The following FRMPD2 variants were observed in gnomAD, a reference collection of about 807,000 sequenced individuals.
FRMPD2 encodes the protein FERM and PDZ domain-containing protein 2.
In FRMPD2, 96 loss-of-function variants were observed where a neutral mutation model predicts 140.1. That is an observed-to-expected ratio of 0.69 (90% confidence interval 0.58 to 0.81). FRMPD2 has a LOEUF of 0.81. Ranked by LOEUF, FRMPD2 falls within the 40% of genes least tolerant of loss-of-function variation. The pLI, the probability that FRMPD2 is intolerant of heterozygous loss-of-function variation, is 0.00. For synonymous variants in FRMPD2, 449 were observed against 547.6 expected (o/e 0.82, Z 2.52); for missense variants, 1,240 against 1,447.4 (o/e 0.86, Z 2.32).
At chr10:48,217,561 C>T (rs767996437) in intron 12 of FRMPD2, among the ~76,000 whole-genome samples, 14 of 152,230 alleles carry the variant, frequency 9.2e-5, no homozygotes, top group South Asian at 2.1e-4. Flanking sequence ...ATTTTTAAAA[C>T]GAATGAGAAT....
In FRMPD2 at chr10:48,238,077, G is replaced by C. The variant is rs144159326; in HGVS notation, c.835C>G (p.Leu279Val). ...DPQDQQAGRR[L>V]SSGSVHSAAD... is the part of the protein sequence containing the mutation. ...GCCGAGTGCACAGATCCAGAGCTGA[G>C]CCTCCGGCCCGCCTGCTGGTCCTGG... The change falls in exon 8 of 29, where the codon CTC (leucine) becomes GTC (valine). Residue 279 changes from leucine to valine, a missense_variant. Leu to Val is a conservative substitution (Grantham distance 32, BLOSUM62 1). Around this residue, in one of 6 missense-constraint regions of FRMPD2, gnomAD observed 1,161 missense variants for 1,055.9 expected, o/e 1.10. Transcript: ENST00000374201. 3.7e-6 allele frequency: 6 copies of C among 1,613,692 alleles called. No individual in the cohort carries two copies. The South Asian group carries it at 4.4e-5, about 12-fold the overall frequency.
At chr10:48,254,727 T>G (rs767141887) in intron 1 of FRMPD2, among the ~76,000 whole-genome samples, 2 of 152,264 alleles carry the variant, frequency 1.3e-5, no homozygotes, top group African/African-American at 4.8e-5. Context: ...GCTATCATCA[T>G]GCCCATTTTA....
At chr10:48,195,287 T>A (rs1838925319) in intron 15 of FRMPD2, among the ~76,000 whole-genome samples, 1 of 152,214 alleles carries the variant, frequency 6.6e-6, no homozygotes, top group African/African-American at 2.4e-5. Context: ...GCCTATTTAG[T>A]CCTGAAATTA....
At chr10:48,173,362 C>T (rs538555862) in intron 24 of FRMPD2, among the ~76,000 whole-genome samples, 2 of 152,198 alleles carry the variant, frequency 1.3e-5, no homozygotes, top group Admixed American at 6.5e-5. Context: ...TTCCCCTCCT[C>T]GTTCTTCCTA....
chr10:48,222,215 A>AT (rs1209637971), intron 12 of FRMPD2, 98 bp downstream of exon 12: 2 of 1,250,980 alleles, frequency 1.6e-6, no homozygotes, highest in African/African-American at 3.0e-5. Flanking sequence ...GATGCTAACA[A>AT]TACTCAAAGC....
At chr10:48,248,918 C>A in intron 3 of FRMPD2, 103 bp downstream of exon 3, 1 of 1,072,940 alleles carries the variant, frequency 9.3e-7, no homozygotes, top group Non-Finnish European at 1.3e-6. Flanking sequence ...GTGTTGAGAA[C>A]CAAGCTCTGC....
rs555394402 is a variant in FRMPD2 at position 48,274,546 on chromosome 10, C to T, written c.22G>A (p.Ala8Thr). The T allele has an allele frequency of 5.6e-6, 9 of 1,614,068 alleles. No individual in the cohort carries two copies. The highest frequency in any genetic ancestry group is 2.2e-5 in the East Asian group (1 of 44,882). ...ACTGAATGATGCCAAGGAATACCTGCGTCCTTCGTTAAAGGCTGCATCCAA... is the reference window on the plus strand; with the variant it reads ...ACTGAATGATGCCAAGGAATACCTGTGTCCTTCGTTAAAGGCTGCATCCAA... MQPLTKD[A>T]GMSLSSVTLA... Residue 8 changes from alanine (A) to threonine (T), a missense_variant, in exon 1 of 29, where the codon GCA (alanine) becomes ACA (threonine). Ala to Thr is a moderately conservative substitution (Grantham distance 58). Transcript: ENST00000374201.
At position 48,192,900 on chromosome 10, in the gene FRMPD2, T is replaced by C; in HGVS notation, c.1955-6A>G. On this transcript the variant is annotated splice_polypyrimidine_tract_variant and splice_region_variant and intron_variant, in intron 15 of 28. Coordinates refer to ENST00000374201, the MANE Select transcript of FRMPD2 (RefSeq NM_001018071.4). ...TTGCACAAACTTATCATGGTCTGAA[T>C]TTGGGGAGAAAAACATAGACATACA... is the stretch of plus-strand genomic sequence containing the variant. The C allele has an allele frequency of 6.2e-7, 1 of 1,609,714 alleles. No individual in the cohort carries two copies. Among genetic ancestry groups the C allele is most frequent in the Non-Finnish European group, 8.5e-7 (1 of 1,177,470 alleles).
rs528602999 is a variant in FRMPD2 at position 48,269,008 on chromosome 10, A to AAT, written c.25+5533_25+5534dup. ...AAAAATATGCAACAGATTAGGAGAA[A>AAT]ATATATATAATGGCAAAAGGGTTAC... On this transcript the variant is annotated intron_variant, in intron 1 of 28. Transcript: ENST00000374201. Among the ~76,000 whole-genome samples, 136 of 152,324 alleles carry AAT rather than the reference A, an allele frequency of 8.9e-4. No homozygotes were observed. The South Asian group carries it at 9.7e-3, about 11-fold the overall frequency.
intron 3 of FRMPD2, among the ~76,000 whole-genome samples, chr10:48,245,072 G>C (rs923510054): frequency 6.6e-6 from 1 of 152,182 alleles, no homozygotes; most frequent in African/African-American, 2.4e-5. Context: ...GGTGAAAGGC[G>C]TGAGAGAAAT....
At chr10:48,187,144 T>C (rs993796626) in intron 17 of FRMPD2, 48 bp downstream of exon 17, 3 of 1,313,854 alleles carry the variant, frequency 2.3e-6, no homozygotes, top group Non-Finnish European at 3.2e-6. Context: ...GCAAGCTTCC[T>C]GCGTAGGGGT....
chr10:48,226,722 C>T (rs773364903), intron 10 of FRMPD2, among the ~76,000 whole-genome samples: 79 of 152,334 alleles, frequency 5.2e-4, no homozygotes, highest in Admixed American at 6.5e-4. Flanking sequence ...TTTTAAGCCT[C>T]CTCATAATTT....
intron 10 of FRMPD2, among the ~76,000 whole-genome samples, chr10:48,229,444 A>G (rs1839799017): frequency 6.6e-6 from 1 of 152,100 alleles, no homozygotes; most frequent in South Asian, 2.1e-4. Flanking sequence ...CCTTGAATTT[A>G]CTTTGGGTCT....
chr10:48,263,204 T>C (rs1212123560), intron 1 of FRMPD2, among the ~76,000 whole-genome samples: 1 of 152,080 alleles, frequency 6.6e-6, no homozygotes, highest in Non-Finnish European at 1.5e-5. Context: ...AATGCATATA[T>C]TAGAATAGAA....
rs1212829826 is a variant in FRMPD2 at position 48,238,069 on chromosome 10, A to G, written c.843T>C (p.Ser281=). ...QDQQAGRRLS[S]GSVHSAADSS... is the part of the protein sequence containing the mutation. ...TGTCTGCTGCCGAGTGCACAGATCC[A>G]GAGCTGAGCCTCCGGCCCGCCTGCT... The change falls in exon 8 of 29, where the codon TCT becomes TCC. Residue 281 remains serine, a synonymous_variant. Coordinates refer to ENST00000374201, the MANE Select transcript of FRMPD2 (RefSeq NM_001018071.4). 2 of 1,613,978 alleles carry G rather than the reference A, an allele frequency of 1.2e-6. No homozygotes were observed. Among genetic ancestry groups the G allele is most frequent in the Non-Finnish European group, 1.7e-6 (2 of 1,180,008 alleles).
intron 1 of FRMPD2, among the ~76,000 whole-genome samples, chr10:48,269,677 G>A (rs1485143777): frequency 6.6e-6 from 1 of 152,148 alleles, no homozygotes; most frequent in African/African-American, 2.4e-5. Flanking sequence ...TGAATGCTTT[G>A]TTTAAAAATT....
At position 48,238,092 on chromosome 10, in the gene FRMPD2, G is replaced by A. The variant is rs1412161596; in HGVS notation, c.820C>T (p.Gln274Ter). 6.2e-7 allele frequency: 1 copy of A among 1,613,030 alleles called. No individual in the cohort carries two copies. The highest frequency in any genetic ancestry group is 1.1e-5 in the South Asian group (1 of 91,086). ...CCAGAGCTGAGCCTCCGGCCCGCCT[G>A]CTGGTCCTGGGGATCTGCTCCTGGA... Reference protein sequence around the residue: ...ALPGADPQDQQAGRRLSSGSV... With the variant: ...ALPGADPQDQ Residue 274 changes from glutamine to a stop codon, truncating the protein, a stop_gained, in exon 8 of 29, where the codon CAG (glutamine) becomes TAG (stop). Coordinates refer to ENST00000374201, the MANE Select transcript of FRMPD2 (RefSeq NM_001018071.4). LOFTEE classifies it high-confidence loss of function.
At chr10:48,210,821 C>T (rs1249784160) in intron 13 of FRMPD2, among the ~76,000 whole-genome samples, 1 of 152,234 alleles carries the variant, frequency 6.6e-6, no homozygotes, top group Non-Finnish European at 1.5e-5. Context: ...TTTTCAAGTA[C>T]CCATCTCAAT....
Position 48,220,366 on chromosome 10 carries a change from G to T in FRMPD2, c.1455+1947C>A, listed in dbSNP as rs367603150. 4.3e-4 allele frequency among the ~76,000 whole-genome samples: 65 copies of T among 152,342 alleles called. 2 individuals carry two copies. The South Asian group carries it at 0.013, about 31-fold the overall frequency. On this transcript the variant is annotated intron_variant, in intron 12 of 28. Coordinates refer to ENST00000374201, the MANE Select transcript of FRMPD2 (RefSeq NM_001018071.4). ...GACACCCTATTCAACAAATGGTGCT[G>T]GGATAATTGGCTAGCCACACACAGA...
Sources: allele counts gnomAD v4.1 joint callset (sites outside exome capture counted in the v4.1 genomes callset), GRCh38; gene constraint gnomAD v4.1.1; regional missense constraint gnomAD v4.1.1; transcripts MANE v1.5; gene names NCBI Gene and HGNC (gene_info 2026-07-23, HGNC 2026-07-21).